GLDN: variants seen among roughly 807,000 people sequenced by gnomAD.
GLDN encodes gliomedin.
A neutral mutation model predicts 56.5 loss-of-function variants in GLDN; 47 were observed. That is an observed-to-expected ratio of 0.83 (90% CI 0.66 to 1.06). The LOEUF is 1.06. Among genes scored for constraint, GLDN ranks in the 50% least tolerant of loss-of-function variants. The pLI is 0.00. For synonymous variants in GLDN, 332 were observed against 278.8 expected, an observed-to-expected ratio of 1.19 and a Z score of -1.90; for missense variants, 782 against 714.3, an observed-to-expected ratio of 1.09 and a Z score of -1.08.
intron 6 of GLDN, among the ~76,000 whole-genome samples, chr15:51,398,584 G>A (rs1027580917): frequency 3.3e-5 from 5 of 152,198 alleles, no homozygotes; most frequent in Non-Finnish European, 7.3e-5. Flanking sequence ...TCTGTTTGGT[G>A]CACTGTTCTT....
intron 1 of GLDN, among the ~76,000 whole-genome samples, chr15:51,367,179 G>A (rs1259740083): frequency 6.6e-6 from 1 of 152,188 alleles, no homozygotes; most frequent in East Asian, 1.9e-4. Context: ...TTGACCTGGG[G>A]TTGGATCCTG....
rs929086033 is a variant in GLDN at position 51,406,225 on chromosome 15, G to A, written c.*1471G>A. The A allele has an allele frequency of 1.4e-4, 21 of 152,212 alleles. No individual in the cohort carries two copies. Among genetic ancestry groups the A allele is most frequent in the African/African-American group, 4.6e-4 (19 of 41,456 alleles). 9.4% of individuals were successfully genotyped at this position (152,212 alleles called of 1,614,324 possible). A position where few individuals can be genotyped will look rare whatever the true frequency, so the allele number is the denominator to read the frequency against. ...CCCTTGGATGCCAGGAGAGAATCCA[G>A]TTGAACTTGCTCCTAAATGCTCTTA... On this transcript the variant is annotated 3_prime_UTR_variant, in exon 10 of 10. Transcript: ENST00000335449.
In GLDN at chr15:51,341,864, C is replaced by T. The variant is rs139283412; in HGVS notation, c.180C>T (p.Arg60=). ...AGGCGCAGCGGGGCCGGGAGCAGCG[C>T]GAGGACAGTGCCCTGCGCTCCTTCC... ...ALEAQRGREQ[R]EDSALRSFLA... is the part of the protein sequence containing the mutation. The change falls in exon 1 of 10, where the codon CGC becomes CGT. Residue 60 remains arginine, a synonymous_variant. Transcript: ENST00000335449. 13,773 of 1,548,716 alleles carry T rather than the reference C, an allele frequency of 8.9e-3. 1,041 individuals carry two copies. The African/African-American group carries it at 0.17, about 19-fold the overall frequency.
chr15:51,342,094 C>T, intron 1 of GLDN, 47 bp downstream of exon 1: 1 of 1,586,220 alleles, frequency 6.3e-7, no homozygotes, highest in Admixed American at 1.7e-5. Context: ...AGGTGGGCGG[C>T]TGGGGGTGTG....
intron 4 of GLDN, 109 bp from the exon 5 acceptor site, chr15:51,394,726 T>A (rs994999898): frequency 2.0e-6 from 2 of 1,015,458 alleles, no homozygotes; most frequent in African/African-American, 3.2e-5. Context: ...ATGCTGTGTG[T>A]TTGGTATATA....
intron 4 of GLDN, among the ~76,000 whole-genome samples, chr15:51,388,585 T>C (rs1463640996): frequency 6.6e-6 from 1 of 152,218 alleles, no homozygotes; most frequent in South Asian, 2.1e-4. Context: ...CTACCTTCAG[T>C]GCCTGGAACA....
At chr15:51,397,769 C>T (rs905585468) in intron 6 of GLDN, among the ~76,000 whole-genome samples, 171 bp downstream of exon 6, 2 of 152,160 alleles carry the variant, frequency 1.3e-5, no homozygotes, top group African/African-American at 4.8e-5. Context: ...TAGTCTGCCC[C>T]AGGGCTGAGG....
intron 1 of GLDN, among the ~76,000 whole-genome samples, chr15:51,365,778 C>G (rs1396047782): frequency 3.3e-5 from 5 of 151,282 alleles, no homozygotes; most frequent in Non-Finnish European, 7.3e-5. Context: ...ATCTTTCATT[C>G]TTGGGTTCTT....
At chr15:51,342,128 T>A in intron 1 of GLDN, 81 bp downstream of exon 1, 3 of 1,169,888 alleles carry the variant, frequency 2.6e-6, no homozygotes, top group Non-Finnish European at 2.2e-6. Context: ...GACGCCCTCT[T>A]CTCCCCTGGC....
rs959088415 is a variant in GLDN, at chr15:51,394,260, G to A, written c.542-575G>A. 2.6e-5 allele frequency among the ~76,000 whole-genome samples: 4 copies of A among 152,180 alleles called. No individual in the cohort carries two copies. In the South Asian group the frequency reaches 8.3e-4, roughly 32 times the overall value. On this transcript the variant is annotated intron_variant, in intron 4 of 9. Coordinates refer to ENST00000335449, the MANE Select transcript of GLDN (RefSeq NM_181789.4). ...CCTTCTTTCCACTGTTGCTGCCATC[G>A]CCCCCTCTTGTGGTTCACTCCTCTC...
intron 9 of GLDN, among the ~76,000 whole-genome samples, chr15:51,403,308 G>A (rs2038295815): frequency 1.3e-5 from 2 of 152,166 alleles, no homozygotes; most frequent in South Asian, 4.1e-4. Flanking sequence ...TTCAGAGGAA[G>A]GAGAACTCCT....
At chr15:51,401,320 A>C (rs1415432592) in intron 8 of GLDN, among the ~76,000 whole-genome samples, 1 of 152,232 alleles carries the variant, frequency 6.6e-6, no homozygotes, top group African/African-American at 2.4e-5. Flanking sequence ...AGTTTGATAA[A>C]CAGTATAGAG....
intron 4 of GLDN, 50 bp downstream of exon 4, chr15:51,383,942 A>T (rs1181570299): frequency 7.4e-7 from 1 of 1,344,076 alleles, no homozygotes. Context: ...TATCTCCATG[A>T]TTGCATTTGG....
intron 1 of GLDN, among the ~76,000 whole-genome samples, chr15:51,368,047 C>G (rs2037440769): frequency 6.6e-6 from 1 of 152,172 alleles, no homozygotes; most frequent in Admixed American, 6.5e-5. Context: ...CAAAGAGAAG[C>G]AGGTATCCCC....
chr15:51,363,821 A>G (rs1239179333), intron 1 of GLDN, among the ~76,000 whole-genome samples: 1 of 152,238 alleles, frequency 6.6e-6, no homozygotes, highest in Non-Finnish European at 1.5e-5. Context: ...AAGATGTCCA[A>G]AGATTCTTTA....
At chr15:51,408,218 T>C (rs2038424547), downstream of GLDN, among the ~76,000 whole-genome samples, 1 of 152,234 alleles carries the variant, frequency 6.6e-6, no homozygotes, top group South Asian at 2.1e-4. Context: ...AATCTAGTAC[T>C]AGAACTGGGT....
At chr15:51,401,068 A>C (rs2038238986) in intron 8 of GLDN, among the ~76,000 whole-genome samples, 1 of 152,228 alleles carries the variant, frequency 6.6e-6, no homozygotes, top group Non-Finnish European at 1.5e-5. Flanking sequence ...GGCCATAATC[A>C]CTGGTTGGAG....
chr15:51,376,257 C>T (rs2037628933), intron 1 of GLDN, among the ~76,000 whole-genome samples: 1 of 152,214 alleles, frequency 6.6e-6, no homozygotes, highest in Non-Finnish European at 1.5e-5. Context: ...GGCTACAAAC[C>T]TGTACAACAT....
chr15:51,356,871 A>G (rs1399583330), intron 1 of GLDN, among the ~76,000 whole-genome samples: 1 of 152,186 alleles, frequency 6.6e-6, no homozygotes, highest in Non-Finnish European at 1.5e-5. Flanking sequence ...TCTGTGTTTC[A>G]GGGAATTTGG....
Sources: gnomAD v4.1 joint callset for allele counts (sites outside exome capture counted in the v4.1 genomes callset) on GRCh38, gnomAD v4.1.1 for gene constraint, MANE v1.5 for transcripts, NCBI Gene and HGNC (gene_info 2026-07-23, HGNC 2026-07-21) for gene names.